MAJIN: variants seen among roughly 807,000 people sequenced by gnomAD.
MAJIN encodes membrane anchored junction protein.
A neutral mutation model predicts 30.2 loss-of-function variants in MAJIN; 27 were observed. That is an observed-to-expected ratio of 0.89 (90% CI 0.66 to 1.23). MAJIN has a LOEUF of 1.23. Among genes scored for constraint, MAJIN ranks in the 50% most tolerant of loss-of-function variants. The probability of loss-of-function intolerance (pLI) is 0.00; values close to 1 mark genes in which losing one functional copy is unlikely to be tolerated. For synonymous variants in MAJIN, 78 were observed against 91.6 expected (o/e 0.85, Z 0.85); for missense variants, 253 against 260.3 (o/e 0.97, Z 0.19).
chr11:64,958,800 T>C (rs1227870276), intron 3 of MAJIN, among the ~76,000 whole-genome samples: 1 of 152,012 alleles, frequency 6.6e-6, no homozygotes, highest in Non-Finnish European at 1.5e-5. Context: ...AATTTTTGTA[T>C]TTTTAGTAGA....
At chr11:64,968,028 AG>A (rs964308043) in intron 1 of MAJIN, among the ~76,000 whole-genome samples, 1 of 152,108 alleles carries the variant, frequency 6.6e-6, no homozygotes, top group African/African-American at 2.4e-5. Flanking sequence ...CACGGGGAAA[AG>A]CATTCCAAGC....
intron 4 of MAJIN, among the ~76,000 whole-genome samples, chr11:64,951,821 A>G (rs1223473465): frequency 3.3e-5 from 5 of 150,636 alleles, no homozygotes; most frequent in African/African-American, 9.7e-5. Context: ...TATTCTCCAT[A>G]GTAGCACAGT....
chr11:64,947,394 G>T lies in MAJIN; in HGVS notation c.453C>A (p.Pro151=). 6.2e-7 allele frequency: 1 copy of T among 1,613,440 alleles called. No individual in the cohort carries two copies. The highest frequency in any genetic ancestry group is 8.5e-7 in the Non-Finnish European group (1 of 1,179,994). ...KRKHMDEPSS[P]SRPGLDRIGK... ...CTGACCTGTCCAGCCCTGGCCTGCTGGGGGAGCTGGGCTCGTCCATGTGTT... is the reference window on the plus strand; with the variant it reads ...CTGACCTGTCCAGCCCTGGCCTGCTTGGGGAGCTGGGCTCGTCCATGTGTT... Residue 151 remains proline (P), a synonymous_variant, in exon 8 of 11, where the codon CCC becomes CCA. Transcript: ENST00000301896.
chr11:64,947,187 A>G (rs1185618072), intron 8 of MAJIN, among the ~76,000 whole-genome samples, 187 bp downstream of exon 8: 1 of 152,148 alleles, frequency 6.6e-6, no homozygotes, highest in Non-Finnish European at 1.5e-5. Context: ...TGAAAAAGGG[A>G]CTGTGTTCAA....
In MAJIN at chr11:64,947,438, CT is replaced by C. The variant is rs1447374038; in HGVS notation, c.408del (p.Ala137LeufsTer2). ...ATGTGTTTTCGTTTCCTCATCACAG[CT>C]CCTACTGCTTTCTTCTCAACTGGGA... ...GLVPVEKKAV[G>X]AVMRKRKHMD... On this transcript the variant is annotated frameshift_variant, in exon 8 of 11. Transcript: ENST00000301896. LOFTEE classifies it high-confidence loss of function. The C allele has an allele frequency of 6.2e-7, 1 of 1,613,980 alleles. No homozygotes were observed. Among genetic ancestry groups the C allele is most frequent in the East Asian group, 2.2e-5 (1 of 44,888 alleles).
intron 5 of MAJIN, among the ~76,000 whole-genome samples, chr11:64,950,095 C>T (rs552712321): frequency 3.9e-5 from 6 of 152,122 alleles, no homozygotes; most frequent in Non-Finnish European, 7.4e-5. Flanking sequence ...TTTGGGAGGC[C>T]GAGGCGGGTG....
chr11:64,947,353 C>G (rs1267051266), intron 8 of MAJIN, 21 bp downstream of exon 8: 2 of 1,594,466 alleles, frequency 1.3e-6, no homozygotes, highest in African/African-American at 2.7e-5. Context: ...AGGAGCGAGC[C>G]TCTCTCCCCA....
intron 6 of MAJIN, among the ~76,000 whole-genome samples, chr11:64,948,113 G>A (rs1945479756): frequency 6.6e-6 from 1 of 151,888 alleles, no homozygotes; most frequent in Non-Finnish European, 1.5e-5. Flanking sequence ...CACCTGCCTT[G>A]GCCTCCCAAA....
intron 1 of MAJIN, among the ~76,000 whole-genome samples, chr11:64,966,929 CAAAAAAA>C (rs111480545): frequency 8.6e-5 from 6 of 69,610 alleles, no homozygotes; most frequent in African/African-American, 3.2e-4. Flanking sequence ...ATGACTGTCT[CAAAAAAA>C]AAAAAAAAAA....
chr11:64,967,394 G>A (rs1372457490), intron 1 of MAJIN, among the ~76,000 whole-genome samples: 1 of 151,544 alleles, frequency 6.6e-6, no homozygotes, highest in Non-Finnish European at 1.5e-5. Context: ...CAACAAGAGC[G>A]AAACTCTGTC....
At position 64,959,325 on chromosome 11, in the gene MAJIN, G is replaced by A. The variant is rs759649080; in HGVS notation, c.81C>T (p.Ile27=). 1 of 1,613,318 alleles carries A rather than the reference G, an allele frequency of 6.2e-7. No homozygotes were observed. The highest frequency in any genetic ancestry group is 1.1e-5 in the South Asian group (1 of 91,066). Residue 27 remains isoleucine (I), a synonymous_variant, in exon 3 of 11, where the codon ATC becomes ATT. Transcript: ENST00000301896. ...HAGPNVYKFK[I]RYGKSIRGEE... is the part of the protein sequence containing the mutation. ...ATTACCTGATACTCTTCCCATATCT[G>A]ATTTTGAATTTATACACATTGGGTC...
At position 64,949,804 on chromosome 11, in the gene MAJIN, G is replaced by T; in HGVS notation, c.288C>A (p.Pro96=). 6.2e-7 allele frequency: 1 copy of T among 1,611,714 alleles called. No individual in the cohort carries two copies. ...KFKHGEIILI[P]YPFVFTLYVE... is the part of the protein sequence containing the mutation. ...CATATAGAGTAAAAACAAATGGGTA[G>T]GGGATCAAGATAATTTCCCCATGTT... Residue 96 remains proline (P), a synonymous_variant, in exon 6 of 11, where the codon CCC becomes CCA. Coordinates refer to ENST00000301896, the MANE Select transcript of MAJIN (RefSeq NM_001037225.3).
intron 1 of MAJIN, among the ~76,000 whole-genome samples, chr11:64,971,093 G>T (rs114250534): frequency 0.023 from 3,484 of 152,028 alleles, 130 homozygotes; most frequent in African/African-American, 0.078. Context: ...TCAGGAGTTC[G>T]AGATCAGTCT....
chr11:64,947,129 C>T (rs1945463066), intron 8 of MAJIN, among the ~76,000 whole-genome samples: 1 of 152,186 alleles, frequency 6.6e-6, no homozygotes, highest in African/African-American at 2.4e-5. Context: ...TTAGATCGGA[C>T]TGTATTTCTT....
At position 64,946,212 on chromosome 11, in the gene MAJIN, C is replaced by T. The variant is rs1273432164; in HGVS notation, c.473+1162G>A. Reference sequence around the variant, plus strand: ...CTGGCAGAGGCAATATCACTACATTCAAGCAAATGTGGCCCAAATGAATAT... The same window carrying T: ...CTGGCAGAGGCAATATCACTACATTTAAGCAAATGTGGCCCAAATGAATAT... On this transcript the variant is annotated intron_variant, in intron 8 of 10. Transcript: ENST00000301896. 6 of 1,469,922 alleles carry T rather than the reference C, an allele frequency of 4.1e-6. No individual in the cohort carries two copies. In the Admixed American group the frequency reaches 1.3e-4, roughly 31 times the overall value. 91.1% of individuals were successfully genotyped at this position (1,469,922 alleles called of 1,614,324 possible). A position where few individuals can be genotyped will look rare whatever the true frequency, so the allele number is the denominator to read the frequency against.
In MAJIN at chr11:64,949,786, A is replaced by T. The variant is rs369026602; in HGVS notation, c.306T>A (p.Thr102=). The T allele has an allele frequency of 4.3e-6, 7 of 1,612,728 alleles. No homozygotes were observed. The African/African-American group carries it at 9.3e-5, about 21-fold the overall frequency. The change falls in exon 6 of 11, where the codon ACT becomes ACA. Residue 102 remains threonine (T), a synonymous_variant. Coordinates refer to ENST00000301896, the MANE Select transcript of MAJIN (RefSeq NM_001037225.3). ...IILIPYPFVF[T]LYVEMKWFHE... ...GGAACCATTTCATCTCCACATATAGAGTAAAAACAAATGGGTAGGGGATCA... is the reference window on the plus strand; with the variant it reads ...GGAACCATTTCATCTCCACATATAGTGTAAAAACAAATGGGTAGGGGATCA...
chr11:64,949,161 TAA>T (rs562375029), intron 6 of MAJIN, among the ~76,000 whole-genome samples: 55 of 111,674 alleles, frequency 4.9e-4, no homozygotes, highest in Admixed American at 3.7e-4. Context: ...CTGTCTCTAC[TAA>T]AAAAAAAAAA....
At chr11:64,970,811 A>T (rs1036498466) in intron 1 of MAJIN, among the ~76,000 whole-genome samples, 1 of 152,248 alleles carries the variant, frequency 6.6e-6, no homozygotes, top group Non-Finnish European at 1.5e-5. Flanking sequence ...TCTCAGTGCC[A>T]TGACTCATAT....
At chr11:64,962,910 C>T (rs1428939391) in intron 1 of MAJIN, among the ~76,000 whole-genome samples, 2 of 151,970 alleles carry the variant, frequency 1.3e-5, no homozygotes, top group African/African-American at 2.4e-5. Context: ...GCAGACCACC[C>T]GAGGTCAGGA....
Sources: allele counts gnomAD v4.1 joint callset (sites outside exome capture counted in the v4.1 genomes callset), GRCh38; gene constraint gnomAD v4.1.1; transcripts MANE v1.5; gene names NCBI Gene and HGNC (gene_info 2026-07-23, HGNC 2026-07-21).